The following SLC22A15 variants were observed in gnomAD, a reference collection of about 807,000 sequenced individuals.
SLC22A15 encodes solute carrier family 22 member 15, also known as flipt 1.
A neutral mutation model predicts 62.7 loss-of-function variants in SLC22A15; 45 were observed. The ratio of observed to expected loss-of-function variants is 0.72; its 90% CI spans 0.56 to 0.92. SLC22A15 has a LOEUF of 0.92. Ranked by LOEUF, SLC22A15 falls within the 40% of genes least tolerant of loss-of-function variation. SLC22A15 has a pLI of 0.00. For missense variants in SLC22A15, 622 were observed against 665.6 expected (o/e 0.93, Z 0.72); for synonymous variants, 264 against 267.0 (o/e 0.99, Z 0.11).
At chr1:116,016,102 TTC>T (rs779620106) in intron 2 of SLC22A15, among the ~76,000 whole-genome samples, 11 of 151,852 alleles carry the variant, frequency 7.2e-5, no homozygotes, top group Admixed American at 2.0e-4. Context: ...CTTTCTCTCT[TTC>T]TCTCCTTCTT....
At chr1:116,013,531 G>C (rs908177491) in intron 2 of SLC22A15, among the ~76,000 whole-genome samples, 10 of 152,084 alleles carry the variant, frequency 6.6e-5, no homozygotes, top group Non-Finnish European at 1.0e-4. Context: ...TTATTATCTG[G>C]TTATAAGATA....
At chr1:115,983,543 G>A (rs145114562) in intron 1 of SLC22A15, among the ~76,000 whole-genome samples, 47 of 152,234 alleles carry the variant, frequency 3.1e-4, no homozygotes, top group South Asian at 1.0e-3. Context: ...GCGGGAGCTC[G>A]TTCAGCAGGC....
At chr1:116,048,260 C>T (rs1299603185) in intron 8 of SLC22A15, among the ~76,000 whole-genome samples, 1 of 152,034 alleles carries the variant, frequency 6.6e-6, no homozygotes, top group Non-Finnish European at 1.5e-5. Context: ...ACAAAAAGAT[C>T]ATCACCTAGG....
intron 1 of SLC22A15, among the ~76,000 whole-genome samples, chr1:115,989,723 G>A (rs1299144758): frequency 6.6e-6 from 1 of 151,686 alleles, no homozygotes; most frequent in East Asian, 1.9e-4. Context: ...AGAGGTTGCA[G>A]TGAGCCAAGA....
At chr1:115,998,074 A>G (rs1455581486) in intron 2 of SLC22A15, among the ~76,000 whole-genome samples, 1 of 152,176 alleles carries the variant, frequency 6.6e-6, no homozygotes, top group Non-Finnish European at 1.5e-5. Context: ...TTCTGTTGAT[A>G]TGATGTATCA....
chr1:116,057,772 T>C (rs1013963128), intron 8 of SLC22A15, among the ~76,000 whole-genome samples: 15 of 151,818 alleles, frequency 9.9e-5, no homozygotes, highest in African/African-American at 3.6e-4. Flanking sequence ...ATGGGTGAAA[T>C]TGGAAATCAT....
chr1:115,988,529 A>T (rs567553763), intron 1 of SLC22A15, among the ~76,000 whole-genome samples: 2 of 151,760 alleles, frequency 1.3e-5, no homozygotes, highest in Non-Finnish European at 1.5e-5. Context: ...AGAATAGAGG[A>T]TCTATTTTTT....
intron 2 of SLC22A15, among the ~76,000 whole-genome samples, chr1:116,002,109 A>G (rs999059636): frequency 2.6e-5 from 4 of 152,338 alleles, no homozygotes; most frequent in Non-Finnish European, 4.4e-5. Flanking sequence ...TAGAGATACA[A>G]TGGTGGTCTT....
intron 8 of SLC22A15, among the ~76,000 whole-genome samples, chr1:116,053,534 G>C (rs1658118294): frequency 6.6e-6 from 1 of 152,202 alleles, no homozygotes; most frequent in African/African-American, 2.4e-5. Context: ...CCAACATTCA[G>C]ATTCAGGAAA....
chr1:115,985,065 A>G (rs1654791964), intron 1 of SLC22A15, among the ~76,000 whole-genome samples: 1 of 152,214 alleles, frequency 6.6e-6, no homozygotes. Context: ...TACATTGTTT[A>G]CAAAGTCTAC....
intron 2 of SLC22A15, among the ~76,000 whole-genome samples, chr1:116,013,299 G>A (rs1054914388): frequency 3.3e-5 from 5 of 151,820 alleles, no homozygotes; most frequent in Admixed American, 6.6e-5. Context: ...CTTCCTTCCC[G>A]CTCCTTTTTA....
intron 1 of SLC22A15, among the ~76,000 whole-genome samples, chr1:115,984,777 A>G (rs1286168719): frequency 6.6e-6 from 1 of 152,132 alleles, no homozygotes; most frequent in Non-Finnish European, 1.5e-5. Context: ...AGACAGTGGT[A>G]TTGATCCTGA....
chr1:116,067,460 C>A lies in SLC22A15; in HGVS notation c.*352C>A. 4.9e-6 allele frequency: 1 copy of A among 202,140 alleles called. No homozygotes were observed. Among genetic ancestry groups the A allele is most frequent in the Admixed American group, 5.4e-5 (1 of 18,672 alleles). 12.5% of individuals were successfully genotyped at this position (202,140 alleles called of 1,614,324 possible). A position where few individuals can be genotyped will look rare whatever the true frequency, so the allele number is the denominator to read the frequency against. On this transcript the variant is annotated 3_prime_UTR_variant, in exon 12 of 12. Transcript: ENST00000369503. Reference sequence around the variant, plus strand: ...TCCTTCATCATGATCTAAATAAAGGCAGATATGTAAAATTTCTCACCATTT... The same window carrying A: ...TCCTTCATCATGATCTAAATAAAGGAAGATATGTAAAATTTCTCACCATTT...
chr1:116,026,067 T>G (rs1337427664), intron 4 of SLC22A15, among the ~76,000 whole-genome samples: 1 of 152,150 alleles, frequency 6.6e-6, no homozygotes, highest in Non-Finnish European at 1.5e-5. Context: ...TATCCTATAG[T>G]AATACATTAA....
At chr1:116,042,179 G>A (rs970372207) in intron 8 of SLC22A15, among the ~76,000 whole-genome samples, 1 of 149,584 alleles carries the variant, frequency 6.7e-6, no homozygotes, top group African/African-American at 2.5e-5. Flanking sequence ...CCTCCCACAA[G>A]TAGAAGAAAA....
chr1:116,036,986 A>T (rs1657646080), intron 7 of SLC22A15, among the ~76,000 whole-genome samples: 1 of 152,220 alleles, frequency 6.6e-6, no homozygotes, highest in African/African-American at 2.4e-5. Context: ...TTTTATTAGG[A>T]TTAAATAAGA....
In SLC22A15 at chr1:116,046,236, A is replaced by G. The variant is rs533314564; in HGVS notation, c.1171+8848A>G. ...CTAGGACACCAAAAGCACAAAAAGA[A>G]AAAAAATTCATGACCTAGACTTCAT... On this transcript the variant is annotated intron_variant, in intron 8 of 11. Coordinates refer to ENST00000369503, the MANE Select transcript of SLC22A15 (RefSeq NM_018420.3). 2.8e-4 allele frequency among the ~76,000 whole-genome samples: 43 copies of G among 152,328 alleles called. 1 individual carries two copies. The South Asian group carries it at 8.9e-3, about 32-fold the overall frequency.
At chr1:116,005,150 A>C (rs1202899058) in intron 2 of SLC22A15, among the ~76,000 whole-genome samples, 1 of 152,088 alleles carries the variant, frequency 6.6e-6, no homozygotes, top group African/African-American at 2.4e-5. Flanking sequence ...ATTTTTCTCT[A>C]TCGTTTTTCT....
chr1:116,007,286 C>T (rs183422685), intron 2 of SLC22A15, among the ~76,000 whole-genome samples: 3 of 152,330 alleles, frequency 2.0e-5, no homozygotes, highest in Admixed American at 2.0e-4. Flanking sequence ...CATACTGCCA[C>T]CCCGTGGCAC....
Sources: gnomAD v4.1 joint callset for allele counts (sites outside exome capture counted in the v4.1 genomes callset) on GRCh38, gnomAD v4.1.1 for gene constraint, MANE v1.5 for transcripts, NCBI Gene and HGNC (gene_info 2026-07-23, HGNC 2026-07-21) for gene names.